Variants in GMDS observed in about 807,000 individuals in gnomAD.
GMDS encodes the protein GDP-mannose 4,6 dehydratase.
In GMDS, 20 loss-of-function variants were observed where a neutral mutation model predicts 49.9. The ratio of observed to expected loss-of-function variants is 0.40; its 90% CI spans 0.28 to 0.58. The LOEUF (loss-of-function observed/expected upper bound fraction) is 0.58, where lower values mean the gene tolerates loss of function less well. Among genes scored for constraint, GMDS ranks in the 20% least tolerant of loss-of-function variants. GMDS has a pLI of 0.42. For synonymous variants in GMDS, 177 were observed against 178.6 expected, an observed-to-expected ratio of 0.99 and a Z score of 0.07; for missense variants, 362 against 481.4, an observed-to-expected ratio of 0.75 and a Z score of 2.32.
At chr6:1,853,729 A>G (rs1474896602) in intron 7 of GMDS, among the ~76,000 whole-genome samples, 1 of 152,194 alleles carries the variant, frequency 6.6e-6, no homozygotes, top group Non-Finnish European at 1.5e-5. Flanking sequence ...AGACTCAGTT[A>G]AAATAGTCTG....
intron 7 of GMDS, among the ~76,000 whole-genome samples, chr6:1,835,895 A>T (rs1240360545): frequency 6.6e-6 from 1 of 151,316 alleles, no homozygotes; most frequent in Non-Finnish European, 1.5e-5. Flanking sequence ...TTTTATTATT[A>T]TTTTTTTGAG....
intron 4 of GMDS, among the ~76,000 whole-genome samples, chr6:1,975,581 C>A (rs931115883): frequency 3.3e-5 from 5 of 152,124 alleles, no homozygotes; most frequent in Admixed American, 6.5e-5. Flanking sequence ...GTTTTAAAAA[C>A]AATCTAGGAA....
At chr6:1,732,990 A>G (rs1193673584) in intron 8 of GMDS, among the ~76,000 whole-genome samples, 1 of 152,230 alleles carries the variant, frequency 6.6e-6, no homozygotes, top group Non-Finnish European at 1.5e-5. Context: ...AACGAAGAAG[A>G]TGGGCCTCAG....
At chr6:2,230,872 A>C (rs1010965274) in intron 1 of GMDS, among the ~76,000 whole-genome samples, 1 of 149,684 alleles carries the variant, frequency 6.7e-6, no homozygotes, top group Non-Finnish European at 1.5e-5. Flanking sequence ...CTCAAAAAAA[A>C]ACCCCAAAAC....
intron 1 of GMDS, among the ~76,000 whole-genome samples, chr6:2,232,745 G>A (rs1008908702): frequency 1.3e-5 from 2 of 152,042 alleles, no homozygotes; most frequent in African/African-American, 2.4e-5. Flanking sequence ...TGACAGAGAC[G>A]GCACCACTGC....
intron 4 of GMDS, among the ~76,000 whole-genome samples, chr6:2,002,322 G>T (rs1299152976): frequency 6.6e-6 from 1 of 152,198 alleles, no homozygotes; most frequent in Admixed American, 6.5e-5. Context: ...CAAAAGTTAT[G>T]TATCAGGTGG....
intron 7 of GMDS, among the ~76,000 whole-genome samples, chr6:1,896,337 ATGTT>A (rs1581321359): frequency 2.0e-5 from 3 of 152,316 alleles, no homozygotes; most frequent in South Asian, 4.1e-4. Flanking sequence ...CCTTTGGGAC[ATGTT>A]TGTTTATTTA....
chr6:1,828,017 AATCAAAG>A (rs1444747705), intron 7 of GMDS, among the ~76,000 whole-genome samples: 1 of 152,192 alleles, frequency 6.6e-6, no homozygotes, highest in Non-Finnish European at 1.5e-5. Flanking sequence ...TCTTTAAGGT[AATCAAAG>A]ATCTAGGGTA....
chr6:2,143,032 A>G (rs1395538920), intron 1 of GMDS, among the ~76,000 whole-genome samples: 1 of 152,208 alleles, frequency 6.6e-6, no homozygotes, highest in African/African-American at 2.4e-5. Context: ...AGCCTGCATC[A>G]GACCCCACTG....
In GMDS at chr6:1,631,655, CCTCA is replaced by C. The variant is rs1405582436; in HGVS notation, c.988-7119_988-7116del. Among the ~76,000 whole-genome samples, 4 of 152,214 alleles carry C rather than the reference CCTCA, an allele frequency of 2.6e-5. No homozygotes were observed. In the East Asian group the frequency reaches 7.7e-4, roughly 29 times the overall value. ...ATAATCCTTCCTTCCTCCCTCCCTC[CCTCA>C]CTCCCCTTCCTCCTTCTCCCCAATC... On this transcript the variant is annotated intron_variant, in intron 9 of 10. Transcript: ENST00000380815.
At chr6:1,804,092 A>G (rs894860664) in intron 7 of GMDS, among the ~76,000 whole-genome samples, 2 of 152,252 alleles carry the variant, frequency 1.3e-5, no homozygotes, top group Non-Finnish European at 2.9e-5. Context: ...GTGACTGCTC[A>G]AATTCAAGGC....
Position 2,145,040 on chromosome 6 carries a change from G to A in GMDS, c.103-20309C>T, listed in dbSNP as rs115456864. ...GGCTGCTGTGCCTTGATGTCTCTGG[G>A]GCCAGGGTCCTGGGACAGCACTAAA... On this transcript the variant is annotated intron_variant, in intron 1 of 10. Coordinates refer to ENST00000380815, the MANE Select transcript of GMDS (RefSeq NM_001500.4). 5.7e-3 allele frequency among the ~76,000 whole-genome samples: 866 copies of A among 152,284 alleles called. 2 individuals are homozygous for A. The highest frequency in any genetic ancestry group is 0.017 in the Middle Eastern group (5 of 294).
intron 7 of GMDS, among the ~76,000 whole-genome samples, chr6:1,873,928 A>G (rs1254479072): frequency 6.6e-6 from 1 of 152,350 alleles, no homozygotes; most frequent in African/African-American, 2.4e-5. Flanking sequence ...CTTTATTCAC[A>G]TGAAACAATC....
chr6:1,757,349 C>G (rs1362586249), intron 7 of GMDS, among the ~76,000 whole-genome samples: 4 of 152,166 alleles, frequency 2.6e-5, no homozygotes, highest in Non-Finnish European at 5.9e-5. Context: ...GCCAAGCCAC[C>G]TACTTCAGCC....
chr6:1,739,362 C>T (rs376637816), intron 8 of GMDS, among the ~76,000 whole-genome samples: 17 of 152,246 alleles, frequency 1.1e-4, no homozygotes, highest in African/African-American at 4.1e-4. Flanking sequence ...TCCTGGCATG[C>T]CTCCAGGCTC....
intron 9 of GMDS, among the ~76,000 whole-genome samples, chr6:1,725,066 T>C (rs1010549199): frequency 6.6e-5 from 10 of 152,340 alleles, no homozygotes; most frequent in East Asian, 1.9e-4. Flanking sequence ...CACTGGGGTT[T>C]TCCTAACCTC....
At chr6:2,010,892 T>A (rs1767517530) in intron 4 of GMDS, among the ~76,000 whole-genome samples, 1 of 152,156 alleles carries the variant, frequency 6.6e-6, no homozygotes, top group South Asian at 2.1e-4. Flanking sequence ...CCTCTTACAT[T>A]ATATGGGAAG....
At chr6:1,669,070 TA>T (rs1286554423) in intron 9 of GMDS, among the ~76,000 whole-genome samples, 2 of 152,248 alleles carry the variant, frequency 1.3e-5, no homozygotes, top group Admixed American at 6.5e-5. Context: ...TAAAATCTAA[TA>T]CCAAGGTCTA....
chr6:2,190,846 G>T (rs1295946626), intron 1 of GMDS, among the ~76,000 whole-genome samples: 1 of 152,124 alleles, frequency 6.6e-6, no homozygotes, highest in Non-Finnish European at 1.5e-5. Flanking sequence ...AGCAGCAATG[G>T]CAAAGGTGGG....
Sources: allele counts gnomAD v4.1 joint callset (sites outside exome capture counted in the v4.1 genomes callset), GRCh38; gene constraint gnomAD v4.1.1; transcripts MANE v1.5; gene names NCBI Gene and HGNC (gene_info 2026-07-23, HGNC 2026-07-21).